STON2: variants seen among roughly 807,000 people sequenced by gnomAD.
STON2 encodes the protein stonin 2, also known as stonin-2.
A neutral mutation model predicts 65.7 loss-of-function variants in STON2; 29 were observed. That is an observed-to-expected ratio of 0.44 (90% CI 0.33 to 0.60). STON2 has a LOEUF of 0.60. STON2 is among the 20% of genes least tolerant of loss of function. STON2 has a pLI of 0.03. For synonymous variants in STON2, 404 were observed against 414.2 expected (o/e 0.98, Z 0.30); for missense variants, 1,054 against 1,118.1 (o/e 0.94, Z 0.82).
In STON2 at chr14:81,265,538, C is replaced by A; in HGVS notation, c.*2876G>T. 1 of 298,284 alleles carries A rather than the reference C, an allele frequency of 3.4e-6. No individual in the cohort carries two copies. The highest frequency in any genetic ancestry group is 4.9e-6 in the Non-Finnish European group (1 of 202,168). 18.5% of individuals were successfully genotyped at this position (298,284 alleles called of 1,614,324 possible). A position where few individuals can be genotyped will look rare whatever the true frequency, so the allele number is the denominator to read the frequency against. On this transcript the variant is annotated 3_prime_UTR_variant, in exon 8 of 8. Coordinates refer to ENST00000614646, the MANE Select transcript of STON2 (RefSeq NM_001394390.1). The stretch of plus-strand genomic sequence containing the variant: ...TGCATGGTGGCAGGCGCCTGTAATC[C>A]CAGCTACTCAGGAGGCTGAGGCAGG...
intron 4 of STON2, among the ~76,000 whole-genome samples, chr14:81,362,906 C>A (rs1270317485): frequency 6.6e-6 from 1 of 152,086 alleles, no homozygotes; most frequent in Non-Finnish European, 1.5e-5. Context: ...CTCGGTCCAG[C>A]GGAGGACTCC....
chr14:81,355,219 G>A (rs1372348370), intron 4 of STON2, among the ~76,000 whole-genome samples: 4 of 152,088 alleles, frequency 2.6e-5, no homozygotes, highest in Non-Finnish European at 5.9e-5. Context: ...GAGCCAGAAA[G>A]CATATTTTAA....
chr14:81,371,349 A>G (rs114887046), intron 3 of STON2, among the ~76,000 whole-genome samples, 164 bp from the exon 4 acceptor site: 2,933 of 152,270 alleles, frequency 0.019, 114 homozygotes, highest in African/African-American at 0.068. Context: ...CACAGACAGG[A>G]AAAACTGACT....
chr14:81,391,416 G>A (rs1900071204), intron 3 of STON2, among the ~76,000 whole-genome samples: 1 of 152,176 alleles, frequency 6.6e-6, no homozygotes, highest in African/African-American at 2.4e-5. Context: ...GTAACTTGGG[G>A]AATGTCTACA....
Position 81,268,123 on chromosome 14 carries a change from C to G in STON2, c.*291G>C, listed in dbSNP as rs1894427152. 1 of 1,057,428 alleles carries G rather than the reference C, an allele frequency of 9.5e-7. No individual in the cohort carries two copies. Among genetic ancestry groups the G allele is most frequent in the African/African-American group, 1.7e-5 (1 of 58,680 alleles). 65.5% of individuals were successfully genotyped at this position (1,057,428 alleles called of 1,614,324 possible). On this transcript the variant is annotated 3_prime_UTR_variant, in exon 8 of 8. Coordinates refer to ENST00000614646, the MANE Select transcript of STON2 (RefSeq NM_001394390.1). Reference sequence around the variant, plus strand: ...CCACATACCAGTGCTGTGAGATAAGCAGAGACAAGACAAGGAGGCTTAATT... The same window carrying G: ...CCACATACCAGTGCTGTGAGATAAGGAGAGACAAGACAAGGAGGCTTAATT...
At chr14:81,285,870 G>A (rs746477352) in intron 5 of STON2, among the ~76,000 whole-genome samples, 4 of 152,124 alleles carry the variant, frequency 2.6e-5, no homozygotes, top group Non-Finnish European at 4.4e-5. Flanking sequence ...AGTTGAGGCC[G>A]GGTGCGGTGG....
At chr14:81,325,892 C>CA (rs1345540613) in intron 4 of STON2, among the ~76,000 whole-genome samples, 1 of 151,710 alleles carries the variant, frequency 6.6e-6, no homozygotes, top group Non-Finnish European at 1.5e-5. Context: ...CCCCTGTAAA[C>CA]ATGATTACAA....
chr14:81,271,963 G>A (rs1327556086), intron 6 of STON2, among the ~76,000 whole-genome samples: 1 of 152,166 alleles, frequency 6.6e-6, no homozygotes, highest in African/African-American at 2.4e-5. Context: ...AAGTGGCAGA[G>A]CTAAAAACTG....
chr14:81,318,176 C>A (rs1327020391), intron 5 of STON2, among the ~76,000 whole-genome samples: 2 of 152,056 alleles, frequency 1.3e-5, no homozygotes, highest in Non-Finnish European at 2.9e-5. Context: ...GTTGGCCAGG[C>A]TAATCTCGAA....
chr14:81,268,260 T>C lies in STON2; in HGVS notation c.*154A>G. On this transcript the variant is annotated 3_prime_UTR_variant, in exon 8 of 8. Coordinates refer to ENST00000614646, the MANE Select transcript of STON2 (RefSeq NM_001394390.1). ...GGTTTCCTGGTAAAATACAAGTAACTGCAAACAGGAAGATCTGGTATACTG... is the reference window on the plus strand; with the variant it reads ...GGTTTCCTGGTAAAATACAAGTAACCGCAAACAGGAAGATCTGGTATACTG... 3 of 1,151,186 alleles carry C rather than the reference T, an allele frequency of 2.6e-6. No individual in the cohort carries two copies. Among genetic ancestry groups the C allele is most frequent in the South Asian group, 1.8e-5 (1 of 54,466 alleles). The allele number at this position is 1,151,186 out of a possible 1,614,324, so 71.3% of individuals were successfully genotyped here. A position where few individuals can be genotyped will look rare whatever the true frequency, so the allele number is the denominator to read the frequency against.
chr14:81,295,255 G>A (rs1191443972), intron 5 of STON2, among the ~76,000 whole-genome samples: 2 of 152,174 alleles, frequency 1.3e-5, no homozygotes, highest in Admixed American at 6.5e-5. Context: ...AACCCGGGAG[G>A]CAGAGGTTGC....
chr14:81,331,597 G>A (rs537174823), intron 4 of STON2, among the ~76,000 whole-genome samples: 6 of 152,254 alleles, frequency 3.9e-5, no homozygotes, highest in African/African-American at 1.4e-4. Context: ...CCAATACAAC[G>A]AATGAACTTT....
chr14:81,316,747 G>A (rs1213431304), intron 5 of STON2, among the ~76,000 whole-genome samples: 7 of 152,320 alleles, frequency 4.6e-5, no homozygotes, highest in African/African-American at 9.6e-5. Context: ...TTGGCCGGGC[G>A]TGGTGGCTCA....
chr14:81,294,567 G>A (rs1457920374), intron 5 of STON2, among the ~76,000 whole-genome samples: 1 of 152,168 alleles, frequency 6.6e-6, no homozygotes, highest in Admixed American at 6.5e-5. Flanking sequence ...ACATTGTTGT[G>A]AGAACTGAGT....
At chr14:81,366,265 G>A (rs2140353161) in intron 4 of STON2, among the ~76,000 whole-genome samples, 1 of 152,292 alleles carries the variant, frequency 6.6e-6, no homozygotes, top group African/African-American at 2.4e-5. Context: ...GCTGGGAACT[G>A]GATTGCCCTG....
intron 2 of STON2, among the ~76,000 whole-genome samples, chr14:81,424,360 C>T (rs2139908340): frequency 6.6e-6 from 1 of 152,228 alleles, no homozygotes; most frequent in East Asian, 1.9e-4. Flanking sequence ...AAGAGAATCG[C>T]TTGAACACGG....
At chr14:81,337,547 G>A (rs537088133) in intron 4 of STON2, among the ~76,000 whole-genome samples, 8 of 152,294 alleles carry the variant, frequency 5.3e-5, no homozygotes, top group Admixed American at 5.2e-4. Context: ...TACTCATGAG[G>A]TGGTTGGGGA....
intron 3 of STON2, among the ~76,000 whole-genome samples, chr14:81,390,033 T>C (rs1030482809): frequency 6.6e-6 from 1 of 151,792 alleles, no homozygotes; most frequent in Non-Finnish European, 1.5e-5. Context: ...GCCAACATAA[T>C]GAAACCCATC....
chr14:81,324,606 A>G (rs1291426136), intron 4 of STON2, among the ~76,000 whole-genome samples: 1 of 152,240 alleles, frequency 6.6e-6, no homozygotes, highest in Non-Finnish European at 1.5e-5. Context: ...ATGTGATTTA[A>G]ACAATGAGTT....
Sources: gnomAD v4.1 joint callset for allele counts (sites outside exome capture counted in the v4.1 genomes callset) on GRCh38, gnomAD v4.1.1 for gene constraint, MANE v1.5 for transcripts, NCBI Gene and HGNC (gene_info 2026-07-23, HGNC 2026-07-21) for gene names.